The following PLD5 variants were observed in gnomAD, a reference collection of about 807,000 sequenced individuals.
PLD5 encodes the protein phospholipase D family member 5, also known as inactive phospholipase D5.
In PLD5, 36 loss-of-function variants were observed where a neutral mutation model predicts 61.1. The ratio of observed to expected loss-of-function variants is 0.59; its 90% CI spans 0.45 to 0.78. The LOEUF is 0.78. PLD5 is among the 30% of genes least tolerant of loss of function. PLD5 has a pLI of 0.00. For synonymous variants in PLD5, 243 were observed against 242.8 expected, an observed-to-expected ratio of 1.00 and a Z score of -0.01; for missense variants, 515 against 644.4, an observed-to-expected ratio of 0.80 and a Z score of 2.17.
intron 3 of PLD5, 30 bp downstream of exon 3, chr1:242,288,332 A>G: frequency 6.3e-7 from 1 of 1,589,236 alleles, no homozygotes; most frequent in Non-Finnish European, 8.5e-7. Flanking sequence ...CATAAGTAAA[A>G]TCATCACACA....
intron 2 of PLD5, 94 bp downstream of exon 2, chr1:242,348,012 C>T (rs866907818): frequency 7.4e-5 from 109 of 1,479,388 alleles, no homozygotes; most frequent in Middle Eastern, 3.8e-4. Context: ...TGGATGACTA[C>T]GTGTGTTTAT....
intron 4 of PLD5, among the ~76,000 whole-genome samples, chr1:242,242,705 G>A (rs114297962): frequency 0.011 from 1,630 of 152,236 alleles, 29 homozygotes; most frequent in African/African-American, 0.037. Flanking sequence ...GGTTAAATAA[G>A]AATATAGGTA....
intron 1 of PLD5, among the ~76,000 whole-genome samples, chr1:242,425,893 T>C (rs925563761): frequency 6.6e-6 from 1 of 152,110 alleles, no homozygotes; most frequent in Non-Finnish European, 1.5e-5. Context: ...TCGGCCCACA[T>C]TGGCCTCCCA....
At chr1:242,526,777 C>T (rs527853191), upstream of PLD5, among the ~76,000 whole-genome samples, 1 of 152,124 alleles carries the variant, frequency 6.6e-6, no homozygotes, top group African/African-American at 2.4e-5. Context: ...TAAAGTTTAG[C>T]CTCCATAGCT....
intron 8 of PLD5, among the ~76,000 whole-genome samples, chr1:242,101,532 C>G (rs562091634): frequency 9.2e-5 from 14 of 152,238 alleles, no homozygotes; most frequent in African/African-American, 3.1e-4. Context: ...TGACTCAGCT[C>G]ACTGGAAGAC....
At chr1:242,168,855 T>TAG (rs1467104249) in intron 5 of PLD5, among the ~76,000 whole-genome samples, 1 of 139,296 alleles carries the variant, frequency 7.2e-6, no homozygotes, top group African/African-American at 2.6e-5. Flanking sequence ...AGTTTTTTTT[T>TAG]TTTTTTTTTT....
intron 2 of PLD5, among the ~76,000 whole-genome samples, chr1:242,302,725 A>C (rs1451151331): frequency 6.6e-6 from 1 of 152,184 alleles, no homozygotes; most frequent in South Asian, 2.1e-4. Flanking sequence ...CCTGTAAAAA[A>C]TTTTTTTAAA....
chr1:242,128,922 C>A (rs557701230), intron 5 of PLD5, among the ~76,000 whole-genome samples: 2 of 152,268 alleles, frequency 1.3e-5, no homozygotes, highest in African/African-American at 4.8e-5. Flanking sequence ...GTGCCTGGCT[C>A]AAACCGCATT....
chr1:242,265,297 A>T (rs1229299126), intron 4 of PLD5, 40 bp downstream of exon 4: 1 of 1,582,336 alleles, frequency 6.3e-7, no homozygotes, highest in Non-Finnish European at 8.5e-7. Flanking sequence ...ATCTTAACAG[A>T]ACACCCAGCG....
intron 4 of PLD5, among the ~76,000 whole-genome samples, chr1:242,222,804 T>C (rs1173666650): frequency 1.3e-5 from 2 of 152,252 alleles, no homozygotes; most frequent in Non-Finnish European, 2.9e-5. Flanking sequence ...GATGGTCGTG[T>C]GTAACCCTCC....
chr1:242,103,217 T>G (rs1012629569), intron 8 of PLD5, among the ~76,000 whole-genome samples: 5 of 152,158 alleles, frequency 3.3e-5, no homozygotes, highest in Non-Finnish European at 5.9e-5. Flanking sequence ...CCAGAGTGCA[T>G]GACTTCACTG....
At chr1:242,204,466 A>ACC in intron 5 of PLD5, among the ~76,000 whole-genome samples, 1 of 152,136 alleles carries the variant, frequency 6.6e-6, no homozygotes, top group Non-Finnish European at 1.5e-5. Context: ...ACCTTGCTGT[A>ACC]CTGCTGACCA....
At chr1:242,164,055 G>A (rs1399891750) in intron 5 of PLD5, among the ~76,000 whole-genome samples, 1 of 151,800 alleles carries the variant, frequency 6.6e-6, no homozygotes, top group South Asian at 2.1e-4. Context: ...CCATGTATGT[G>A]CAAAGGATAA....
At chr1:242,402,533 A>G (rs1663998959) in intron 1 of PLD5, among the ~76,000 whole-genome samples, 1 of 152,222 alleles carries the variant, frequency 6.6e-6, no homozygotes, top group African/African-American at 2.4e-5. Context: ...TTACTAATTC[A>G]TCAGAAGCTT....
chr1:242,242,002 T>TAG (rs1558388010), intron 4 of PLD5, among the ~76,000 whole-genome samples: 2 of 121,960 alleles, frequency 1.6e-5, no homozygotes, highest in African/African-American at 6.8e-5. Context: ...TATATATATA[T>TAG]ATATATATAG....
intron 5 of PLD5, among the ~76,000 whole-genome samples, chr1:242,131,361 G>T (rs887654962): frequency 6.6e-6 from 1 of 152,086 alleles, no homozygotes; most frequent in Non-Finnish European, 1.5e-5. Flanking sequence ...TCTCTCTCTT[G>T]CACTATGACA....
chr1:242,396,439 C>T (rs1181520051), intron 1 of PLD5, among the ~76,000 whole-genome samples: 1 of 152,104 alleles, frequency 6.6e-6, no homozygotes, highest in East Asian at 1.9e-4. Context: ...TCATTTCTTT[C>T]CTTCCCTTCA....
At chr1:242,207,914 T>TTTTA (rs1558344530) in intron 5 of PLD5, among the ~76,000 whole-genome samples, 362 of 12,844 alleles carry the variant, frequency 0.028, 93 homozygotes, top group African/African-American at 0.09. Flanking sequence ...TTATATATAT[T>TTTTA]TATATATTTA....
intron 5 of PLD5, among the ~76,000 whole-genome samples, chr1:242,217,311 C>G (rs939046074): frequency 1.3e-5 from 2 of 152,142 alleles, no homozygotes; most frequent in East Asian, 3.9e-4. Context: ...GAAGGCTTCA[C>G]CATTCTAGGT....
Sources: gnomAD v4.1 joint callset for allele counts (sites outside exome capture counted in the v4.1 genomes callset) on GRCh38, gnomAD v4.1.1 for gene constraint, MANE v1.5 for transcripts, NCBI Gene and HGNC (gene_info 2026-07-23, HGNC 2026-07-21) for gene names.